The following TRANK1 variants were observed in gnomAD, a reference collection of about 807,000 sequenced individuals.
TRANK1 encodes the protein tetratricopeptide repeat and ankyrin repeat containing 1, also known as TPR and ankyrin repeat-containing protein 1.
TRANK1 carries 198 observed loss-of-function variants against 266.0 expected under a neutral mutation model. The ratio of observed to expected loss-of-function variants is 0.74; its 90% CI spans 0.66 to 0.84. The LOEUF is 0.84. Ranked by LOEUF, TRANK1 falls within the 40% of genes least tolerant of loss-of-function variation. The probability of loss-of-function intolerance (pLI) is 0.00; values close to 1 mark genes in which losing one functional copy is unlikely to be tolerated. For missense variants in TRANK1, 3,326 were observed against 3,634.6 expected, an observed-to-expected ratio of 0.92 and a Z score of 2.18; for synonymous variants, 1,396 against 1,384.1, an observed-to-expected ratio of 1.01 and a Z score of -0.19.
rs780827513 is a variant in TRANK1 at position 36,856,716 on chromosome 3, G to A, written c.3006C>T (p.Ala1002=). 1.7e-5 allele frequency: 28 copies of A among 1,613,840 alleles called. No individual in the cohort carries two copies. Among genetic ancestry groups the A allele is most frequent in the African/African-American group, 5.3e-5 (4 of 74,920 alleles). Residue 1002 remains alanine (A), a synonymous_variant, in exon 13 of 24, where the codon GCC becomes GCT. Coordinates refer to ENST00000645898, the MANE Select transcript of TRANK1 (RefSeq NM_001329998.2). The part of the protein sequence containing the change: ...IPRCYVEDTE[A]EKGREHVNPE... ...GATTGACATGCTCCCTGCCCTTCTC[G>A]GCCTCTGTGTCCTCCACATAGCAGC...
chr3:36,901,184 C>T (rs907157780), intron 3 of TRANK1, among the ~76,000 whole-genome samples: 14 of 146,602 alleles, frequency 9.5e-5, no homozygotes, highest in African/African-American at 3.5e-4. Context: ...AGGATTATTT[C>T]GAGCTGAAGG....
intron 1 of TRANK1, among the ~76,000 whole-genome samples, chr3:36,924,493 C>A (rs1354860449): frequency 1.3e-5 from 2 of 152,204 alleles, no homozygotes; most frequent in Non-Finnish European, 1.5e-5. Context: ...AAATTTAATT[C>A]TCAGACTCTC....
At chr3:36,933,004 T>C (rs1382013979) in intron 1 of TRANK1, among the ~76,000 whole-genome samples, 1 of 152,246 alleles carries the variant, frequency 6.6e-6, no homozygotes, top group Non-Finnish European at 1.5e-5. Context: ...TAATTCATAG[T>C]ACCCCCAAAC....
chr3:36,884,667 T>C (rs2079576149), intron 8 of TRANK1, among the ~76,000 whole-genome samples: 1 of 152,172 alleles, frequency 6.6e-6, no homozygotes, highest in Non-Finnish European at 1.5e-5. Context: ...GCGTAGTGGC[T>C]CACGCCTGTG....
At chr3:36,932,705 G>C (rs939295904) in intron 1 of TRANK1, among the ~76,000 whole-genome samples, 1 of 152,228 alleles carries the variant, frequency 6.6e-6, no homozygotes, top group South Asian at 2.1e-4. Flanking sequence ...GGATGTATGT[G>C]TGTGTGTACA....
rs2079185380 is a variant in TRANK1, at chr3:36,864,418, G to A, written c.1141C>T (p.Leu381=). The A allele has an allele frequency of 6.5e-7, 1 of 1,536,680 alleles. No individual in the cohort carries two copies. The highest frequency in any genetic ancestry group is 1.4e-5 in the African/African-American group (1 of 72,986). The change falls in exon 10 of 24, where the codon CTG becomes TTG. Residue 381 remains leucine (L), a synonymous_variant. Transcript: ENST00000645898. ...NDIFRKVLEQ[L]VKYMNSGNRL... is the part of the protein sequence containing the mutation. ...TTTCCTGAGTTCATATACTTCACCA[G>A]CTGCTCCAAGACCTTCCTGAAAATG...
At position 36,858,776 on chromosome 3, in the gene TRANK1, A is replaced by G; in HGVS notation, c.1614T>C (p.Ser538=). ...LTKGADPRAI[S]LTEGDTPLHA... ...GCAAAGGAGTATCACCTTCCGTGAG[A>G]GAAATAGCACGGGGGTCTGCGCCCT... Residue 538 remains serine, a synonymous_variant, in exon 12 of 24, where the codon TCT becomes TCC. Transcript: ENST00000645898. The G allele has an allele frequency of 6.5e-7, 1 of 1,537,128 alleles. No individual in the cohort carries two copies.
At chr3:36,861,209 C>T (rs759067541) in intron 10 of TRANK1, 49 bp from the exon 11 acceptor site, 1 of 1,510,690 alleles carries the variant, frequency 6.6e-7, no homozygotes, top group Non-Finnish European at 8.8e-7. Context: ...CATATGATTT[C>T]TCTTCTTTCC....
intron 10 of TRANK1, among the ~76,000 whole-genome samples, chr3:36,862,858 A>T (rs1009156770): frequency 2.0e-5 from 3 of 152,330 alleles, no homozygotes; most frequent in African/African-American, 7.2e-5. Context: ...AGCTCCCTGA[A>T]GCCAGCTGTA....
At chr3:36,840,500 C>T (rs2078829647) in intron 18 of TRANK1, among the ~76,000 whole-genome samples, 1 of 152,218 alleles carries the variant, frequency 6.6e-6, no homozygotes, top group Non-Finnish European at 1.5e-5. Context: ...TACAGTGTAA[C>T]TTTCCAGCTT....
chr3:36,850,119 G>C, intron 15 of TRANK1: 1 of 985,312 alleles, frequency 1.0e-6, no homozygotes, highest in Non-Finnish European at 1.2e-6. Flanking sequence ...CATACAACTG[G>C]TACTTAATAA....
In TRANK1 at chr3:36,898,970, G is replaced by T. The variant is rs970810991; in HGVS notation, c.433+139C>A. 1.0e-5 allele frequency: 9 copies of T among 892,746 alleles called. No homozygotes were observed. The African/African-American group carries it at 1.4e-4, about 14-fold the overall frequency. 55.3% of individuals were successfully genotyped at this position (892,746 alleles called of 1,614,324 possible). On this transcript the variant is annotated intron_variant, in intron 4 of 23. Coordinates refer to ENST00000645898, the MANE Select transcript of TRANK1 (RefSeq NM_001329998.2). The stretch of plus-strand genomic sequence containing the variant: ...AAGCATCCAAAATGCTTTCTAATGT[G>T]TGAACTAGATTCATTAAACTGCATA...
chr3:36,856,682 A>T lies in TRANK1; in HGVS notation c.3040T>A (p.Phe1014Ile). ...GTCTCCACTGCACTGGCTGGGGGAA[A>T]GTACTCAGGATTGACATGCTCCCTG... is the stretch of plus-strand genomic sequence containing the variant. Reference protein sequence around the residue: ...KGREHVNPEYFPPASAVETEY... With the variant: ...KGREHVNPEYIPPASAVETEY... The change falls in exon 13 of 24, where the codon TTT becomes ATT. Residue 1014 changes from phenylalanine (F) to isoleucine (I), a missense_variant. Physicochemically the swap from Phe to Ile is conservative, Grantham distance 21. Coordinates refer to ENST00000645898, the MANE Select transcript of TRANK1 (RefSeq NM_001329998.2). 1 of 1,614,004 alleles carries T rather than the reference A, an allele frequency of 6.2e-7. No individual in the cohort carries two copies. The highest frequency in any genetic ancestry group is 8.5e-7 in the Non-Finnish European group (1 of 1,179,890).
intron 1 of TRANK1, among the ~76,000 whole-genome samples, chr3:36,910,109 C>T (rs1039506492): frequency 2.0e-5 from 3 of 152,284 alleles, no homozygotes; most frequent in Middle Eastern, 3.4e-3. Flanking sequence ...AACATTCTCA[C>T]CAAAATGTAT....
chr3:36,852,145 C>T lies in TRANK1; in HGVS notation c.4749+1G>A, dbSNP rs1486165062. On this transcript the variant is annotated splice_donor_variant, in intron 14 of 23. Coordinates refer to ENST00000645898, the MANE Select transcript of TRANK1 (RefSeq NM_001329998.2). LOFTEE classifies it high-confidence loss of function. ...AAAACATAAAATCCCAAGCAGCTCA[C>T]CTGGTGGGCTCCAAATTCAATGGGC... 3.2e-6 allele frequency: 5 copies of T among 1,580,494 alleles called. No individual in the cohort carries two copies. The highest frequency in any genetic ancestry group is 3.4e-6 in the Non-Finnish European group (4 of 1,169,980).
At chr3:36,867,613 C>T (rs1189976561) in intron 9 of TRANK1, among the ~76,000 whole-genome samples, 1 of 152,058 alleles carries the variant, frequency 6.6e-6, no homozygotes, top group Non-Finnish European at 1.5e-5. Flanking sequence ...CTTAAAGAGT[C>T]AAAAGAAACA....
chr3:36,866,964 G>A (rs1038263466), intron 9 of TRANK1, among the ~76,000 whole-genome samples: 1 of 152,174 alleles, frequency 6.6e-6, no homozygotes, highest in African/African-American at 2.4e-5. Context: ...CTCTAATCAA[G>A]AGACGTTCAG....
At chr3:36,887,641 G>A (rs903913950) in intron 8 of TRANK1, among the ~76,000 whole-genome samples, 11 of 152,110 alleles carry the variant, frequency 7.2e-5, no homozygotes, top group African/African-American at 1.9e-4. Flanking sequence ...ATCAGCCATC[G>A]TTAGCGTTAC....
In TRANK1 at chr3:36,858,042, A is replaced by G; in HGVS notation, c.1680T>C (p.Ile560=). ...ACAGATGGCTGAGGAAGCTAAAACC[A>G]ATGTCAGCTGAAAGACACAAACAAA... The part of the protein sequence containing the change: ...LHIFLEIKAD[I]GFSFLSHLLD... The change falls in exon 13 of 24, where the codon ATT becomes ATC. Residue 560 remains isoleucine (I), a synonymous_variant. Transcript: ENST00000645898. 1 of 1,550,160 alleles carries G rather than the reference A, an allele frequency of 6.5e-7. No homozygotes were observed. Among genetic ancestry groups the G allele is most frequent in the Non-Finnish European group, 8.7e-7 (1 of 1,153,958 alleles).
Sources: allele counts gnomAD v4.1 joint callset (sites outside exome capture counted in the v4.1 genomes callset), GRCh38; gene constraint gnomAD v4.1.1; transcripts MANE v1.5; gene names NCBI Gene and HGNC (gene_info 2026-07-23, HGNC 2026-07-21).